Variants in NRK observed in about 807,000 individuals in gnomAD.
The protein encoded by NRK is nik-related protein kinase.
In NRK, 67 loss-of-function variants were observed where a neutral mutation model predicts 125.2. The ratio of observed to expected loss-of-function variants is 0.54; its 90% CI spans 0.44 to 0.66. The LOEUF is 0.66. Ranked by LOEUF, NRK falls within the 30% of genes least tolerant of loss-of-function variation. NRK has a pLI of 0.00. For synonymous variants in NRK, 458 were observed against 429.0 expected (o/e 1.07, Z -0.84); for missense variants, 1,224 against 1,192.9 (o/e 1.03, Z -0.38).
intron 9 of NRK, among the ~76,000 whole-genome samples, chrX:105,904,578 C>T (rs1336975432): frequency 8.9e-6 from 1 of 111,764 alleles, no homozygotes; most frequent in Non-Finnish European, 1.9e-5. Context: ...GAGGTAAATA[C>T]ACTTTTACTT....
chrX:105,915,091 A>T (rs1459026803), intron 14 of NRK, among the ~76,000 whole-genome samples: 1 of 109,353 alleles, frequency 9.1e-6, no homozygotes, highest in African/African-American at 3.3e-5. Flanking sequence ...TGATTAGTAA[A>T]ATGCAAATTA....
intron 14 of NRK, among the ~76,000 whole-genome samples, chrX:105,914,583 A>G (rs2040341448): frequency 9.1e-6 from 1 of 109,929 alleles, no homozygotes; most frequent in Non-Finnish European, 1.9e-5. Flanking sequence ...TTTTGCCTCC[A>G]GTAGTGACAA....
At chrX:105,941,547 G>GAA (rs1310127829) in intron 23 of NRK, among the ~76,000 whole-genome samples, 2 of 89,456 alleles carry the variant, frequency 2.2e-5, no homozygotes, top group Non-Finnish European at 4.3e-5. Flanking sequence ...GACCCAGAGA[G>GAA]AGACAGAAAG....
chrX:105,925,943 C>T (rs903863953), intron 19 of NRK, among the ~76,000 whole-genome samples: 4 of 110,845 alleles, frequency 3.6e-5, no homozygotes, highest in Non-Finnish European at 7.6e-5. Flanking sequence ...CACTGATTTC[C>T]TCTTTTTTTG....
chrX:105,946,006 G>A lies in NRK; in HGVS notation c.4194G>A (p.Leu1398=). Residue 1398 remains leucine (L), a synonymous_variant, in exon 25 of 29, where the codon CTG becomes CTA. Coordinates refer to ENST00000243300, the MANE Select transcript of NRK (RefSeq NM_198465.4). ...FKRPDELLHL[L]KLKVFPTLDH... is the part of the protein sequence containing the mutation. ...GACCAGATGAGCTCCTTCATTTGCTGAAGCTCAAGGCAAGGAACTTGAAGA... is the reference window on the plus strand; with the variant it reads ...GACCAGATGAGCTCCTTCATTTGCTAAAGCTCAAGGCAAGGAACTTGAAGA... 3 of 1,208,379 alleles carry A rather than the reference G, an allele frequency of 2.5e-6. No individual in the cohort carries two copies. The South Asian group carries it at 5.3e-5, about 21-fold the overall frequency.
intron 14 of NRK, among the ~76,000 whole-genome samples, chrX:105,915,042 C>T (rs1313461222): frequency 9.3e-6 from 1 of 107,984 alleles, no homozygotes; most frequent in African/African-American, 3.4e-5. Flanking sequence ...TTATTATATG[C>T]ACCCTTTCTT....
At chrX:105,833,583 C>T (rs991842350) in intron 2 of NRK, among the ~76,000 whole-genome samples, 1 of 111,204 alleles carries the variant, frequency 9.0e-6, no homozygotes, top group African/African-American at 3.3e-5. Context: ...GATGGCTACT[C>T]ATTATCATTC....
intron 14 of NRK, among the ~76,000 whole-genome samples, chrX:105,914,561 A>G (rs2040341154): frequency 9.1e-6 from 1 of 110,079 alleles, no homozygotes; most frequent in African/African-American, 3.3e-5. Flanking sequence ...GCCGTTACCT[A>G]TTTTGAGTAA....
chrX:105,892,572 G>A lies in NRK; in HGVS notation c.379-1260G>A, dbSNP rs2040028656. Among the ~76,000 whole-genome samples the A allele has an allele frequency of 2.7e-5, 3 of 111,615 alleles. No homozygotes were observed. The South Asian group carries it at 1.1e-3, about 42-fold the overall frequency. ...CATAATATAAGCAAGATCTTCCAGG[G>A]TTTATGTTAGTTGAATGGCTTTAAT... is the stretch of plus-strand genomic sequence containing the variant. On this transcript the variant is annotated intron_variant, in intron 5 of 28. Coordinates refer to ENST00000243300, the MANE Select transcript of NRK (RefSeq NM_198465.4).
At chrX:105,925,324 A>T (rs1315033367) in intron 19 of NRK, among the ~76,000 whole-genome samples, 1 of 111,140 alleles carries the variant, frequency 9.0e-6, no homozygotes, top group East Asian at 2.8e-4. Flanking sequence ...AAATTAATTG[A>T]CACCTAATAA....
At chrX:105,840,988 T>C (rs1023003326) in intron 2 of NRK, among the ~76,000 whole-genome samples, 4 of 110,789 alleles carry the variant, frequency 3.6e-5, no homozygotes, top group African/African-American at 1.3e-4. Flanking sequence ...CACTAAAAAC[T>C]AGTTAACTAG....
intron 2 of NRK, among the ~76,000 whole-genome samples, chrX:105,853,378 T>G (rs1569292566): frequency 9.0e-6 from 1 of 111,601 alleles, no homozygotes; most frequent in African/African-American, 3.3e-5. Context: ...TTGAGGTGCT[T>G]CTTTGTTGCT....
At position 105,922,977 on chromosome X, in the gene NRK, A is replaced by G. The variant is rs1395266182; in HGVS notation, c.2611-141A>G. 1.1e-5 allele frequency: 6 copies of G among 539,029 alleles called. No individual in the cohort carries two copies. The African/African-American group carries it at 1.4e-4, about 13-fold the overall frequency. 44.4% of individuals were successfully genotyped at this position (539,029 alleles called of 1,213,427 possible). ...TGGGTTTTGACATCTCATCCTCACT[A>G]AAATTTTGGCTCCATCTAATGAGTG... On this transcript the variant is annotated intron_variant, in intron 17 of 28. Coordinates refer to ENST00000243300, the MANE Select transcript of NRK (RefSeq NM_198465.4).
rs2040999942 is a variant in NRK at position 105,958,044 on chromosome X, G to A, written c.*2444G>A. The A allele has an allele frequency of 8.9e-6, 1 of 112,424 alleles. No homozygotes were observed. Among genetic ancestry groups the A allele is most frequent in the Non-Finnish European group, 1.9e-5 (1 of 53,310 alleles). 9.3% of individuals were successfully genotyped at this position (112,424 alleles called of 1,213,427 possible). On this transcript the variant is annotated 3_prime_UTR_variant, in exon 29 of 29. Coordinates refer to ENST00000243300, the MANE Select transcript of NRK (RefSeq NM_198465.4). Reference sequence around the variant, plus strand: ...CCCTAGCCCTTGTGATTTGAAGCATGAAAGTTCTGGCAGGTTATGAGCAGC... The same window carrying A: ...CCCTAGCCCTTGTGATTTGAAGCATAAAAGTTCTGGCAGGTTATGAGCAGC...
Position 105,862,074 on chromosome X carries a change from G to T in NRK, c.124-18125G>T, listed in dbSNP as rs866550328. On this transcript the variant is annotated intron_variant, in intron 2 of 28. Transcript: ENST00000243300. ...CAAGACTCTTATCTATCTATCTATT[G>T]ATCTATCTATCTATCTATCTATCTA... 2.9e-4 allele frequency among the ~76,000 whole-genome samples: 31 copies of T among 107,066 alleles called. 1 individual carries two copies. Among genetic ancestry groups the T allele is most frequent in the Non-Finnish European group, 4.8e-4 (25 of 52,038 alleles). 93.0% of individuals were successfully genotyped at this position (107,066 alleles called of 115,157 possible).
At chrX:105,860,217 A>C (rs989646537) in intron 2 of NRK, among the ~76,000 whole-genome samples, 1 of 111,341 alleles carries the variant, frequency 9.0e-6, no homozygotes, top group African/African-American at 3.3e-5. Context: ...TTCAAAGACA[A>C]AAATGCTTTT....
At chrX:105,915,684 A>G in intron 14 of NRK, 46 bp from the exon 15 acceptor site, 2 of 719,384 alleles carry the variant, frequency 2.8e-6, no homozygotes, top group Non-Finnish European at 4.3e-6. Flanking sequence ...GCTCAGTACA[A>G]TTTATGATCA....
At chrX:105,918,818 A>G (rs2040398993) in intron 16 of NRK, among the ~76,000 whole-genome samples, 3 of 110,111 alleles carry the variant, frequency 2.7e-5, no homozygotes, top group Non-Finnish European at 5.7e-5. Context: ...TTTCAGCTCC[A>G]AATTTCTTTT....
At chrX:105,943,175 A>G (rs1432485343) in intron 23 of NRK, among the ~76,000 whole-genome samples, 2 of 111,512 alleles carry the variant, frequency 1.8e-5, no homozygotes, top group East Asian at 5.6e-4. Flanking sequence ...TAGCTATTAC[A>G]TTTAGGTGTT....
Sources: allele counts gnomAD v4.1 joint callset (sites outside exome capture counted in the v4.1 genomes callset), GRCh38; gene constraint gnomAD v4.1.1; transcripts MANE v1.5; gene names NCBI Gene and HGNC (gene_info 2026-07-23, HGNC 2026-07-21).